Variants in BCAS3 observed in about 807,000 individuals in gnomAD.
The protein encoded by BCAS3 is BCAS3 microtubule associated cell migration factor, also known as BCAS4/BCAS3 fusion.
BCAS3 carries 53 observed loss-of-function variants against 116.1 expected under a neutral mutation model. The observed-to-expected ratio is 0.46, with a 90% CI of 0.37 to 0.57. The LOEUF is 0.57. BCAS3 is among the 20% of genes least tolerant of loss of function. BCAS3 has a pLI of 0.00. For missense variants in BCAS3, 917 were observed against 1,165.4 expected (o/e 0.79, Z 3.10); for synonymous variants, 391 against 408.2 (o/e 0.96, Z 0.51).
At chr17:61,044,465 A>AAAAATATATATATATATATAT in intron 19 of BCAS3, among the ~76,000 whole-genome samples, 1 of 120,126 alleles carries the variant, frequency 8.3e-6, no homozygotes, top group African/African-American at 5.0e-5. Context: ...AAAAAAAAAA[A>AAAAATATATATATATATATAT]ATATATATAT....
intron 5 of BCAS3, among the ~76,000 whole-genome samples, chr17:60,711,576 C>G (rs1262694555): frequency 6.6e-6 from 1 of 151,758 alleles, no homozygotes; most frequent in Non-Finnish European, 1.5e-5. Flanking sequence ...TTTTAACTGC[C>G]CACTTGTTTT....
chr17:61,053,831 G>A (rs2069110434), intron 19 of BCAS3, among the ~76,000 whole-genome samples: 1 of 152,072 alleles, frequency 6.6e-6, no homozygotes, highest in South Asian at 2.1e-4. Flanking sequence ...TGAAAATCTG[G>A]GATAGTTAAA....
chr17:61,334,626 T>C (rs2056557441), intron 22 of BCAS3, among the ~76,000 whole-genome samples: 1 of 132,766 alleles, frequency 7.5e-6, no homozygotes, highest in African/African-American at 2.9e-5. Context: ...ATCGCACCAT[T>C]GCACTCCAGC....
Position 61,140,958 on chromosome 17 carries a change from C to G in BCAS3, c.2425+56394C>G, listed in dbSNP as rs2076885353. On this transcript the variant is annotated intron_variant, in intron 22 of 23. Coordinates refer to ENST00000407086, the MANE Select transcript of BCAS3 (RefSeq NM_017679.5). This position sits in a 1 kb window ranked among gnomAD's most constrained non-coding sequence, Gnocchi z 4.2. ...CCATTTGAGTGTTTTTTTTTTCCCC[C>G]AAAAGTATAATAGTGAAATGGGGCA... Among the ~76,000 whole-genome samples the G allele has an allele frequency of 6.6e-6, 1 of 151,644 alleles. No individual in the cohort carries two copies. Among genetic ancestry groups the G allele is most frequent in the Admixed American group, 6.6e-5 (1 of 15,238 alleles).
chr17:60,858,802 C>A (rs2053904460), intron 7 of BCAS3, among the ~76,000 whole-genome samples: 1 of 152,016 alleles, frequency 6.6e-6, no homozygotes, highest in South Asian at 2.1e-4. Context: ...GTAGTGGTAT[C>A]CATTAGTGGT....
At chr17:61,018,547 C>G (rs963973848) in intron 16 of BCAS3, among the ~76,000 whole-genome samples, 2 of 152,086 alleles carry the variant, frequency 1.3e-5, no homozygotes, top group Admixed American at 6.6e-5. Context: ...AGTGATCCAC[C>G]TGCCTCGGCC....
chr17:60,703,680 C>T (rs1294894150), intron 4 of BCAS3, among the ~76,000 whole-genome samples: 5 of 150,122 alleles, frequency 3.3e-5, no homozygotes, highest in East Asian at 2.0e-4. Context: ...TTTGGGAGGC[C>T]GAGGCGGGTG....
At chr17:61,237,222 C>G (rs1271090758) in intron 22 of BCAS3, among the ~76,000 whole-genome samples, 1 of 152,104 alleles carries the variant, frequency 6.6e-6, no homozygotes, top group Non-Finnish European at 1.5e-5. Context: ...GTAACATGTA[C>G]CAATCAGCAC....
chr17:60,896,186 A>G (rs574055239), intron 10 of BCAS3, among the ~76,000 whole-genome samples: 2 of 152,322 alleles, frequency 1.3e-5, no homozygotes, highest in East Asian at 1.9e-4. Flanking sequence ...ATAGCCAGGC[A>G]TGGTGGCGTG....
intron 22 of BCAS3, among the ~76,000 whole-genome samples, chr17:61,314,022 A>C (rs2054541143): frequency 6.6e-6 from 1 of 152,136 alleles, no homozygotes; most frequent in South Asian, 2.1e-4. Flanking sequence ...CCAACAATTT[A>C]TCTTGCTTGG....
chr17:60,794,182 G>A (rs2047018167), intron 6 of BCAS3, among the ~76,000 whole-genome samples: 1 of 152,092 alleles, frequency 6.6e-6, no homozygotes, highest in Non-Finnish European at 1.5e-5. Context: ...TTTTTCATAT[G>A]TTTTTTGGTC....
chr17:61,016,562 G>T (rs548923084), intron 16 of BCAS3, among the ~76,000 whole-genome samples: 2 of 152,146 alleles, frequency 1.3e-5, no homozygotes, highest in East Asian at 3.9e-4. Flanking sequence ...AAACTGCTAG[G>T]TCTATGATAT....
At chr17:60,707,151 GC>G (rs1410449391) in intron 4 of BCAS3, among the ~76,000 whole-genome samples, 1 of 151,894 alleles carries the variant, frequency 6.6e-6, no homozygotes, top group East Asian at 1.9e-4. Flanking sequence ...GCACCACCAT[GC>G]CCGGCTAATT....
chr17:61,125,230 A>C (rs896655130), intron 22 of BCAS3, among the ~76,000 whole-genome samples: 6 of 152,178 alleles, frequency 3.9e-5, no homozygotes, highest in Non-Finnish European at 5.9e-5. Context: ...GGGCAGAGCT[A>C]CTCACTTGAA....
At chr17:60,743,999 C>T (rs1366025516) in intron 5 of BCAS3, among the ~76,000 whole-genome samples, 3 of 152,110 alleles carry the variant, frequency 2.0e-5, no homozygotes, top group African/African-American at 7.2e-5. Context: ...CTTATTGTGC[C>T]TCCAAACTGG....
intron 6 of BCAS3, among the ~76,000 whole-genome samples, chr17:60,784,898 C>G (rs1319756892): frequency 6.6e-6 from 1 of 151,894 alleles, no homozygotes; most frequent in Non-Finnish European, 1.5e-5. Context: ...GAGTTTGAGA[C>G]CAGCCTGGCC....
At chr17:60,702,562 G>A (rs540438873) in intron 4 of BCAS3, among the ~76,000 whole-genome samples, 1 of 152,158 alleles carries the variant, frequency 6.6e-6, no homozygotes, top group South Asian at 2.1e-4. Context: ...AAGGAATCTG[G>A]CCTAAGGACT....
intron 12 of BCAS3, among the ~76,000 whole-genome samples, chr17:60,912,464 G>A (rs1219044824): frequency 6.6e-6 from 1 of 151,988 alleles, no homozygotes; most frequent in African/African-American, 2.4e-5. Context: ...TTTCAAGAAA[G>A]TTTTTCTGCA....
intron 5 of BCAS3, among the ~76,000 whole-genome samples, chr17:60,711,149 AT>A (rs200247197): frequency 0.12 from 17,253 of 141,536 alleles, 2,795 homozygotes; most frequent in African/African-American, 0.38. Flanking sequence ...AAGATGTGGG[AT>A]TTTTTTTTTT....
Sources: allele counts gnomAD v4.1 joint callset (sites outside exome capture counted in the v4.1 genomes callset), GRCh38; gene constraint gnomAD v4.1.1; non-coding constraint Gnocchi (gnomAD v3.1); transcripts MANE v1.5; gene names NCBI Gene and HGNC (gene_info 2026-07-23, HGNC 2026-07-21).